The following TUBA1C variants were observed in gnomAD, a reference collection of about 807,000 sequenced individuals.
TUBA1C encodes tubulin alpha 1c.
Under a neutral mutation model 34.9 loss-of-function variants are expected in TUBA1C, and 16 were observed. That is an observed-to-expected ratio of 0.46 (90% CI 0.31 to 0.70). The LOEUF is 0.70. TUBA1C is among the 30% of genes least tolerant of loss of function. The pLI, the probability that TUBA1C is intolerant of heterozygous loss-of-function variation, is 0.05. For missense variants in TUBA1C, 329 were observed against 587.3 expected, an observed-to-expected ratio of 0.56 and a Z score of 4.55; for synonymous variants, 177 against 215.9, an observed-to-expected ratio of 0.82 and a Z score of 1.58.
At chr12:49,253,216 G>A (rs891810959) in intron 1 of TUBA1C, among the ~76,000 whole-genome samples, 1 of 151,964 alleles carries the variant, frequency 6.6e-6, no homozygotes, top group Non-Finnish European at 1.5e-5. Flanking sequence ...TGGAACTCTC[G>A]GCATACCACA....
chr12:49,256,250 C>T, intron 1 of TUBA1C: 1 of 335,850 alleles, frequency 3.0e-6, no homozygotes, highest in East Asian at 7.7e-5. Context: ...CAGGTGATCT[C>T]TGTTCCAGGA....
chr12:49,260,329 C>T (rs1018659545), upstream of TUBA1C, among the ~76,000 whole-genome samples: 4 of 151,982 alleles, frequency 2.6e-5, no homozygotes, highest in Non-Finnish European at 5.9e-5. Context: ...AGTTAGTCAC[C>T]GAGGAAGTGA....
chr12:49,269,098 C>T (rs1400025390), intron 1 of TUBA1C, among the ~76,000 whole-genome samples: 1 of 152,188 alleles, frequency 6.6e-6, no homozygotes, highest in African/African-American at 2.4e-5. Context: ...AATATCTTGT[C>T]ACTCAGGCTG....
intron 1 of TUBA1C, among the ~76,000 whole-genome samples, chr12:49,266,109 G>T (rs1187556380): frequency 1.4e-5 from 2 of 145,696 alleles, no homozygotes; most frequent in Non-Finnish European, 3.0e-5. Flanking sequence ...CAGTCTGGAC[G>T]ACAGAGCGAA....
intron 1 of TUBA1C, among the ~76,000 whole-genome samples, chr12:49,239,218 A>C (rs374064483): frequency 7.8e-4 from 119 of 152,334 alleles, no homozygotes; most frequent in African/African-American, 2.7e-3. Context: ...AAGACTCAGG[A>C]CAAAAGGCCT....
rs142218984 is a variant in TUBA1C, at chr12:49,255,405, A to AATATAT, written c.214-14039_214-14034dup. On this transcript the variant is annotated intron_variant, in intron 1 of 3. Transcript: ENST00000541364. ...CCAGCAGCTGAACTTATCTTTAAAA[A>AATATAT]ATATATATATATATATATATATATA... is the stretch of plus-strand genomic sequence containing the variant. Among the ~76,000 whole-genome samples the AATATAT allele has an allele frequency of 5.5e-3, 773 of 141,284 alleles. 3 individuals carry two copies. The highest frequency in any genetic ancestry group is 0.019 in the Middle Eastern group (5 of 264). 92.7% of individuals were successfully genotyped at this position (141,284 alleles called of 152,430 possible).
At chr12:49,270,552 A>T (rs952681102) in intron 3 of TUBA1C, among the ~76,000 whole-genome samples, 4 of 152,230 alleles carry the variant, frequency 2.6e-5, no homozygotes, top group African/African-American at 9.6e-5. Flanking sequence ...ACTTGTCAAG[A>T]AAATCACATT....
At position 49,273,269 on chromosome 12, in the gene TUBA1C, C is replaced by A; in HGVS notation, c.*42C>A. On this transcript the variant is annotated 3_prime_UTR_variant, in exon 4 of 4. Transcript: ENST00000301072. ...TTACACTCCTTTGTCTTGGAACTGT[C>A]TTATTTTTGTTCTGTAAATGTCTAT... 2 of 1,613,980 alleles carry A rather than the reference C, an allele frequency of 1.2e-6. No individual in the cohort carries two copies. The highest frequency in any genetic ancestry group is 1.7e-6 in the Non-Finnish European group (2 of 1,179,988).
intron 1 of TUBA1C, among the ~76,000 whole-genome samples, chr12:49,247,686 G>A (rs1243489504): frequency 3.3e-5 from 5 of 152,020 alleles, no homozygotes; most frequent in African/African-American, 1.2e-4. Flanking sequence ...GGTGGCTTAC[G>A]CCTGTAATCC....
At chr12:49,238,387 A>C (rs573544377) in intron 1 of TUBA1C, among the ~76,000 whole-genome samples, 2 of 152,254 alleles carry the variant, frequency 1.3e-5, no homozygotes, top group Admixed American at 6.5e-5. Context: ...ACAATCAATC[A>C]GTTCTTTTCT....
chr12:49,266,576 C>T (rs1054660109), intron 1 of TUBA1C, among the ~76,000 whole-genome samples: 2 of 152,160 alleles, frequency 1.3e-5, no homozygotes, highest in Non-Finnish European at 2.9e-5. Context: ...AGGCCGGGCG[C>T]GATGGCTTAT....
intron 1 of TUBA1C, among the ~76,000 whole-genome samples, chr12:49,230,873 G>A (rs1942489152): frequency 6.6e-6 from 1 of 152,212 alleles, no homozygotes; most frequent in South Asian, 2.1e-4. Flanking sequence ...TACTAGCGGT[G>A]TGACTTGGGT....
chr12:49,271,252 T>C (rs1323142370), intron 3 of TUBA1C, among the ~76,000 whole-genome samples: 1 of 152,194 alleles, frequency 6.6e-6, no homozygotes, highest in African/African-American at 2.4e-5. Context: ...GTAGAGAATG[T>C]TCACAAATCT....
intron 1 of TUBA1C, among the ~76,000 whole-genome samples, chr12:49,252,578 T>C (rs1008845489): frequency 6.6e-6 from 1 of 152,108 alleles, no homozygotes; most frequent in Non-Finnish European, 1.5e-5. Context: ...AAAAGACTTT[T>C]AGAGCCTGGC....
chr12:49,266,098 C>T (rs920226882), intron 1 of TUBA1C, among the ~76,000 whole-genome samples: 2 of 146,984 alleles, frequency 1.4e-5, no homozygotes, highest in Non-Finnish European at 1.5e-5. Context: ...CTACTGCACT[C>T]CAGTCTGGAC....
upstream of TUBA1C, among the ~76,000 whole-genome samples, chr12:49,263,843 A>G (rs1942865314): frequency 6.6e-6 from 1 of 152,172 alleles, no homozygotes; most frequent in Admixed American, 6.6e-5. Flanking sequence ...AATTCCTCGG[A>G]GCTCTACTTT....
intron 1 of TUBA1C, among the ~76,000 whole-genome samples, chr12:49,238,133 C>T (rs1474529947): frequency 1.3e-5 from 2 of 151,822 alleles, no homozygotes; most frequent in African/African-American, 4.8e-5. Flanking sequence ...AAGTTCACTC[C>T]GGCAATGCAT....
intron 1 of TUBA1C, among the ~76,000 whole-genome samples, chr12:49,255,164 G>A (rs1202102985): frequency 6.6e-6 from 1 of 151,876 alleles, no homozygotes; most frequent in African/African-American, 2.4e-5. Flanking sequence ...TACGGACCTT[G>A]CCAAGGTTAC....
intron 1 of TUBA1C, among the ~76,000 whole-genome samples, chr12:49,259,051 A>C (rs1942816551): frequency 6.6e-6 from 1 of 151,926 alleles, no homozygotes; most frequent in East Asian, 1.9e-4. Context: ...GAGCCACCGC[A>C]CCCGGCCAAA....
Sources: allele counts gnomAD v4.1 joint callset (sites outside exome capture counted in the v4.1 genomes callset), GRCh38; gene constraint gnomAD v4.1.1; transcripts MANE v1.5; gene names NCBI Gene and HGNC (gene_info 2026-07-23, HGNC 2026-07-21).